Variants in SLC7A9 observed in about 807,000 individuals in gnomAD.
The protein encoded by SLC7A9 is B(0,+)-type amino acid transporter 1.
A neutral mutation model predicts 54.1 loss-of-function variants in SLC7A9; 38 were observed. The ratio of observed to expected loss-of-function variants is 0.70; its 90% CI spans 0.54 to 0.92. The LOEUF (loss-of-function observed/expected upper bound fraction) is 0.92, where lower values mean the gene tolerates loss of function less well. SLC7A9 is among the 40% of genes least tolerant of loss of function. SLC7A9 has a pLI of 0.00. For synonymous variants in SLC7A9, 264 were observed against 258.9 expected, an observed-to-expected ratio of 1.02 and a Z score of -0.19; for missense variants, 537 against 636.1, an observed-to-expected ratio of 0.84 and a Z score of 1.68.
chr19:32,843,742 T>C (rs1968195052), intron 10 of SLC7A9, 113 bp downstream of exon 10: 9 of 753,208 alleles, frequency 1.2e-5, no homozygotes, highest in South Asian at 1.2e-4. Flanking sequence ...TCTATATCTG[T>C]TTCATAGCAA....
At chr19:32,849,203 A>G (rs575982893) in intron 9 of SLC7A9, among the ~76,000 whole-genome samples, 12 of 152,320 alleles carry the variant, frequency 7.9e-5, no homozygotes, top group African/African-American at 2.6e-4. Context: ...ACTGAAGGAA[A>G]TAGAGACACA....
intron 2 of SLC7A9, among the ~76,000 whole-genome samples, chr19:32,865,684 A>G (rs1165831537): frequency 6.6e-6 from 1 of 152,084 alleles, no homozygotes. Context: ...AGAGCTGTAC[A>G]TTTCGACCAG....
In SLC7A9 at chr19:32,838,124, A is replaced by G. The variant is rs531280980; in HGVS notation, c.1224+4044T>C. 3.9e-5 allele frequency among the ~76,000 whole-genome samples: 6 copies of G among 152,252 alleles called. No individual in the cohort carries two copies. In the South Asian group the frequency reaches 1.0e-3, roughly 26 times the overall value. On this transcript the variant is annotated intron_variant, in intron 11 of 12. Transcript: ENST00000023064. The stretch of plus-strand genomic sequence containing the variant: ...CGGCCCTTCTGTTGGTACTTACTTG[A>G]GATTTTCTGAGCCCATCCAAACTTG...
At chr19:32,860,743 C>T in intron 6 of SLC7A9, 93 bp from the exon 7 acceptor site, 1 of 1,527,448 alleles carries the variant, frequency 6.5e-7, no homozygotes, top group Non-Finnish European at 8.9e-7. Flanking sequence ...ATTTAAGATT[C>T]TCTACCAGAG....
chr19:32,858,103 G>A (rs1021717763), intron 9 of SLC7A9, among the ~76,000 whole-genome samples: 7 of 152,190 alleles, frequency 4.6e-5, no homozygotes, highest in South Asian at 2.1e-4. Context: ...AAAGTGCCAC[G>A]TGGAAAACCA....
rs774050064 is a variant in SLC7A9, at chr19:32,864,127, G to A, written c.447C>T (p.Ile149=). 21 of 1,614,060 alleles carry A rather than the reference G, an allele frequency of 1.3e-5. No homozygotes were observed. Among genetic ancestry groups the A allele is most frequent in the African/African-American group, 5.3e-5 (4 of 74,942 alleles). The part of the protein sequence containing the change: ...PFYVGCKPPQ[I]VVKCLAAAAI... ...CGGCGGCGGCCAGGCATTTCACAAC[G>A]ATTTGAGGAGGCTTGCAGCCCACAT... Residue 149 remains isoleucine (I), a synonymous_variant, in exon 4 of 13, where the codon ATC becomes ATT. Transcript: ENST00000023064.
chr19:32,849,917 C>G (rs867565457), intron 9 of SLC7A9, among the ~76,000 whole-genome samples: 223 of 152,088 alleles, frequency 1.5e-3, no homozygotes, highest in African/African-American at 4.4e-3. Context: ...ATAAACAGAA[C>G]CAAAGACAAA....
chr19:32,847,198 CGAGTT>C (rs897157051), intron 9 of SLC7A9, among the ~76,000 whole-genome samples: 1 of 152,132 alleles, frequency 6.6e-6, no homozygotes, highest in East Asian at 1.9e-4. Context: ...ATGACTTTGA[CGAGTT>C]GAGAGAAGAA....
intron 4 of SLC7A9, among the ~76,000 whole-genome samples, chr19:32,863,881 C>T (rs1968880065): frequency 6.6e-6 from 1 of 152,242 alleles, no homozygotes; most frequent in Non-Finnish European, 1.5e-5. Flanking sequence ...TGAGCCAAGG[C>T]TCTGCCCTGC....
chr19:32,832,587 C>CAAAAAA (rs746136682), intron 12 of SLC7A9, among the ~76,000 whole-genome samples: 2 of 91,474 alleles, frequency 2.2e-5, no homozygotes, highest in Non-Finnish European at 4.4e-5. Flanking sequence ...GACTGTGTCT[C>CAAAAAA]AAAAAAAAAA....
At chr19:32,844,043 G>T in intron 9 of SLC7A9, 92 bp from the exon 10 acceptor site, 1 of 934,534 alleles carries the variant, frequency 1.1e-6, no homozygotes, top group Non-Finnish European at 1.7e-6. Flanking sequence ...CCACCAAGGA[G>T]CCCTCGGGAG....
At chr19:32,861,517 A>G (rs958547220) in intron 6 of SLC7A9, among the ~76,000 whole-genome samples, 3 of 152,196 alleles carry the variant, frequency 2.0e-5, no homozygotes, top group Non-Finnish European at 2.9e-5. Context: ...TCTTTGTTTA[A>G]TCAAGAGCTT....
At chr19:32,860,374 T>C (rs1178154980) in intron 7 of SLC7A9, 29 of 1,348,620 alleles carry the variant, frequency 2.2e-5, no homozygotes, top group Non-Finnish European at 2.7e-5. Context: ...CTGGCCAACA[T>C]GGCAAAATCT....
At position 32,830,629 on chromosome 19, in the gene SLC7A9, G is replaced by T. The variant is rs770696935; in HGVS notation, c.1455C>A (p.Asp485Glu). 16 of 1,613,288 alleles carry T rather than the reference G, an allele frequency of 9.9e-6. No individual in the cohort carries two copies. The highest frequency in any genetic ancestry group is 1.3e-5 in the African/African-American group (1 of 74,908). The change falls in exon 13 of 13, where the codon GAC becomes GAA. Residue 485 changes from aspartate (D) to glutamate (E), a missense_variant. Transcript: ENST00000023064. ...CAAGAGACGGAGCTTGTTACTCAGG[G>T]TCTTCCTCCGGTGGGACCACTTCCA... ...MLMEVVPPEEDPE is the reference protein window; with the variant it reads ...MLMEVVPPEEEPE
intron 7 of SLC7A9, 101 bp from the exon 8 acceptor site, chr19:32,860,065 A>G (rs1280007829): frequency 6.2e-7 from 1 of 1,604,714 alleles, no homozygotes; most frequent in Non-Finnish European, 8.5e-7. Context: ...ATTCGCAGGT[A>G]GCAGAGGCCC....
At chr19:32,855,566 A>G (rs572506234) in intron 9 of SLC7A9, among the ~76,000 whole-genome samples, 48 of 152,122 alleles carry the variant, frequency 3.2e-4, no homozygotes, top group South Asian at 2.5e-3. Flanking sequence ...GCCGGGCGTG[A>G]TGGCAGGCAC....
intron 4 of SLC7A9, 85 bp from the exon 5 acceptor site, chr19:32,862,671 T>A (rs934425066): frequency 7.0e-5 from 84 of 1,206,182 alleles, no homozygotes; most frequent in Middle Eastern, 3.0e-4. Flanking sequence ...ATTTTTTATT[T>A]TTTTTTTTTT....
At chr19:32,854,385 C>T (rs182335799) in intron 9 of SLC7A9, among the ~76,000 whole-genome samples, 22 of 152,224 alleles carry the variant, frequency 1.4e-4, no homozygotes, top group African/African-American at 5.3e-4. Context: ...CAGTCCTGAT[C>T]AAAATCCCAA....
chr19:32,859,803 G>T (rs1223920603), intron 8 of SLC7A9, 38 bp downstream of exon 8: 2 of 1,558,390 alleles, frequency 1.3e-6, no homozygotes. Flanking sequence ...CTTCCCACAA[G>T]CCACAGCCCC....
Sources: gnomAD v4.1 joint callset for allele counts (sites outside exome capture counted in the v4.1 genomes callset) on GRCh38, gnomAD v4.1.1 for gene constraint, MANE v1.5 for transcripts, NCBI Gene and HGNC (gene_info 2026-07-23, HGNC 2026-07-21) for gene names.